RPS6KA2: variants seen among roughly 807,000 people sequenced by gnomAD.
RPS6KA2 encodes the protein ribosomal protein S6 kinase alpha-2.
Under a neutral mutation model 91.8 loss-of-function variants are expected in RPS6KA2, and 42 were observed. The ratio of observed to expected loss-of-function variants is 0.46; its 90% confidence interval spans 0.36 to 0.59. The LOEUF is 0.59. Among genes scored for constraint, RPS6KA2 ranks in the 20% least tolerant of loss-of-function variants. The pLI is 0.00. For missense variants in RPS6KA2, 798 were observed against 978.5 expected (o/e 0.82, Z 2.46); for synonymous variants, 414 against 393.6 (o/e 1.05, Z -0.61).
intron 12 of RPS6KA2, among the ~76,000 whole-genome samples, chr6:166,458,179 C>T (rs1780164760): frequency 6.6e-6 from 1 of 152,216 alleles, no homozygotes; most frequent in South Asian, 2.1e-4. Flanking sequence ...ATCTCAGGCT[C>T]TGTGTCCCTA....
chr6:166,580,997 G>A (rs1016087001), intron 1 of RPS6KA2, among the ~76,000 whole-genome samples: 1 of 152,146 alleles, frequency 6.6e-6, no homozygotes, highest in African/African-American at 2.4e-5. Flanking sequence ...TGCCTCCCAG[G>A]TTCAAGCGAT....
rs974653284 is a variant in RPS6KA2 at position 166,726,969 on chromosome 6, A to G, written c.123+131231T>C. ...ATTTCCCACTTGCACTCATGAAGAC[A>G]TGGCCATTCCCAGGTATCTAGGTGT... is the stretch of plus-strand genomic sequence containing the variant. On this transcript the variant is annotated intron_variant, in intron 2 of 21. Coordinates refer to the RPS6KA2 transcript ENST00000503859. The surrounding 1 kb of genome is among the most constrained non-coding windows in gnomAD (Gnocchi z 4.4). 1.3e-5 allele frequency among the ~76,000 whole-genome samples: 2 copies of G among 152,174 alleles called. No individual in the cohort carries two copies. Among genetic ancestry groups the G allele is most frequent in the East Asian group, 1.9e-4 (1 of 5,192 alleles).
At chr6:166,473,276 G>C (rs941513360) in intron 10 of RPS6KA2, among the ~76,000 whole-genome samples, 1 of 151,916 alleles carries the variant, frequency 6.6e-6, no homozygotes. Flanking sequence ...CTGCAGCCTC[G>C]ATTTCCTGGG....
rs534934473 is a variant in RPS6KA2 at position 166,648,005 on chromosome 6, C to T, written c.124-109221G>A. Among the ~76,000 whole-genome samples the T allele has an allele frequency of 1.7e-4, 25 of 145,362 alleles. 1 individual carries two copies. The East Asian group carries it at 3.8e-3, about 22-fold the overall frequency. ...TCACACACACGCACATGCTCACACA[C>T]GCACATGCTTACACACATACATACA... On this transcript the variant is annotated intron_variant, in intron 2 of 21. Coordinates refer to the RPS6KA2 transcript ENST00000503859. The surrounding 1 kb of genome is among the most constrained non-coding windows in gnomAD (Gnocchi z 4.8).
intron 3 of RPS6KA2, among the ~76,000 whole-genome samples, chr6:166,520,532 G>A (rs377220667): frequency 3.9e-5 from 6 of 152,282 alleles, no homozygotes; most frequent in Non-Finnish European, 5.9e-5. Context: ...TATCCATCCC[G>A]TTGGTTGTGT....
At chr6:166,644,033 T>C (rs1321530086) in intron 2 of RPS6KA2, among the ~76,000 whole-genome samples, 1 of 152,222 alleles carries the variant, frequency 6.6e-6, no homozygotes, top group African/African-American at 2.4e-5. Flanking sequence ...GGCAGCCAGA[T>C]GGCCACTACT....
Position 166,626,923 on chromosome 6 carries a change from C to G in RPS6KA2, c.97G>C (p.Glu33Gln), listed in dbSNP as rs750679847. 1 of 1,527,258 alleles carries G rather than the reference C, an allele frequency of 6.5e-7. No individual in the cohort carries two copies. Among genetic ancestry groups the G allele is most frequent in the Middle Eastern group, 1.9e-4 (1 of 5,180 alleles). The allele number at this position is 1,527,258 out of a possible 1,614,324, so 94.6% of individuals were successfully genotyped here. A position where few individuals can be genotyped will look rare whatever the true frequency, so the allele number is the denominator to read the frequency against. ...CGCCCCGAGGGCGGCCGCATTACCTCGAGCCGGCTCAGGCTGGAGCTCTTG... is the reference window on the plus strand; with the variant it reads ...CGCCCCGAGGGCGGCCGCATTACCTGGAGCCGGCTCAGGCTGGAGCTCTTG... Reference protein sequence around the residue: ...RSKSSSLSRLEEEGVVKEIDI... With the variant: ...RSKSSSLSRLQEEGVVKEIDI... The change falls in exon 1 of 21, where the codon GAG (glutamate) becomes CAG (glutamine). Residue 33 changes from glutamate to glutamine, a missense_variant and splice_region_variant. Glu to Gln is a conservative substitution (Grantham distance 29, BLOSUM62 2). Transcript: ENST00000265678. This position sits in a 1 kb window ranked among gnomAD's most constrained non-coding sequence, Gnocchi z 4.1.
chr6:166,748,724 T>C (rs1791138628), intron 2 of RPS6KA2, among the ~76,000 whole-genome samples: 1 of 48,804 alleles, frequency 2.0e-5, no homozygotes. Flanking sequence ...CCCCATCTCC[T>C]CAGGCCCCCA....
chr6:166,623,405 T>C (rs1245811404), intron 1 of RPS6KA2, among the ~76,000 whole-genome samples: 1 of 152,218 alleles, frequency 6.6e-6, no homozygotes, highest in African/African-American at 2.4e-5. Flanking sequence ...TCAGTGGACC[T>C]ATGGTTCTGC....
intron 6 of RPS6KA2, among the ~76,000 whole-genome samples, chr6:166,502,408 C>T (rs1416959205): frequency 2.0e-5 from 3 of 152,182 alleles, no homozygotes; most frequent in Non-Finnish European, 4.4e-5. Context: ...GATTAATTCT[C>T]TAATAATTCT....
rs1177168653 is a variant in RPS6KA2 at position 166,733,790 on chromosome 6, A to G, written c.123+124410T>C. Among the ~76,000 whole-genome samples, 1 of 152,200 alleles carries G rather than the reference A, an allele frequency of 6.6e-6. No homozygotes were observed. The highest frequency in any genetic ancestry group is 1.5e-5 in the Non-Finnish European group (1 of 68,038). The stretch of plus-strand genomic sequence containing the variant: ...CTAAACTGTTTGGGAGAGAAGAGGA[A>G]GAGAGAAGTAAAAGGAAGGTTTCTG... On this transcript the variant is annotated intron_variant, in intron 2 of 21. Transcript: ENST00000503859. The surrounding 1 kb of genome is among the most constrained non-coding windows in gnomAD (Gnocchi z 4.1).
In RPS6KA2 at chr6:166,508,474, GC is replaced by G. The variant is rs3833956; in HGVS notation, c.380-193del. The stretch of plus-strand genomic sequence containing the variant: ...GAGGGGGTCTGACACTGTGAGCGCT[GC>G]CCCTCTCTCACTGTCGTTAGGGGGC... On this transcript the variant is annotated intron_variant, in intron 4 of 20. Transcript: ENST00000265678. The surrounding 1 kb of genome is among the most constrained non-coding windows in gnomAD (Gnocchi z 4.3). Among the ~76,000 whole-genome samples, 114,175 of 151,916 alleles carry G rather than the reference GC, an allele frequency of 0.75. 43,071 individuals are homozygous for G. The highest frequency in any genetic ancestry group is 0.79 in the Non-Finnish European group (53,729 of 67,960).
At chr6:166,607,009 G>A (rs1179206745) in intron 1 of RPS6KA2, among the ~76,000 whole-genome samples, 2 of 152,148 alleles carry the variant, frequency 1.3e-5, no homozygotes, top group African/African-American at 2.4e-5. Flanking sequence ...GGGTGTGCTG[G>A]CAGGTGCCTA....
chr6:166,519,471 C>T (rs369917253), intron 3 of RPS6KA2, among the ~76,000 whole-genome samples: 3 of 152,166 alleles, frequency 2.0e-5, no homozygotes, highest in Admixed American at 6.5e-5. Flanking sequence ...GCCAACCTGC[C>T]GCGTTTCGGG....
chr6:166,822,537 T>C (rs1032985057), intron 2 of RPS6KA2, among the ~76,000 whole-genome samples: 15 of 152,180 alleles, frequency 9.9e-5, no homozygotes, highest in African/African-American at 3.6e-4. Flanking sequence ...TTGTGAAAGC[T>C]GCCGAGTCTG....
chr6:166,590,776 A>T (rs543375581), intron 1 of RPS6KA2, among the ~76,000 whole-genome samples: 75 of 152,204 alleles, frequency 4.9e-4, no homozygotes, highest in Non-Finnish European at 8.5e-4. Context: ...AAAAAACCTC[A>T]TTGAGGCAGT....
At position 166,459,957 on chromosome 6, in the gene RPS6KA2, G is replaced by A. The variant is rs1389356325; in HGVS notation, c.973-406C>T. Among the ~76,000 whole-genome samples the A allele has an allele frequency of 6.6e-6, 1 of 152,182 alleles. No homozygotes were observed. Among genetic ancestry groups the A allele is most frequent in the Non-Finnish European group, 1.5e-5 (1 of 68,030 alleles). ...CTGGGGACAGCAGTGAAGAGGCCGT[G>A]TGGCTCTCTCCTCCCTGCCCTGGGA... On this transcript the variant is annotated intron_variant, in intron 11 of 20. Coordinates refer to ENST00000265678, the MANE Select transcript of RPS6KA2 (RefSeq NM_021135.6). This position sits in a 1 kb window ranked among gnomAD's most constrained non-coding sequence, Gnocchi z 4.9.
At position 166,849,979 on chromosome 6, in the gene RPS6KA2, C is replaced by A. The variant is rs190084209; in HGVS notation, c.123+8221G>T. 6.6e-6 allele frequency among the ~76,000 whole-genome samples: 1 copy of A among 151,870 alleles called. No homozygotes were observed. Among genetic ancestry groups the A allele is most frequent in the Non-Finnish European group, 1.5e-5 (1 of 67,946 alleles). On this transcript the variant is annotated intron_variant, in intron 2 of 21. Coordinates refer to the RPS6KA2 transcript ENST00000503859. This position sits in a 1 kb window ranked among gnomAD's most constrained non-coding sequence, Gnocchi z 4.9. ...CGGGTTCAGGAACGAGGGGCACTCA[C>A]GCATGGCTCTGCTATGCCCACGGGG...
At chr6:166,842,395 C>T (rs1780506921) in intron 2 of RPS6KA2, among the ~76,000 whole-genome samples, 1 of 152,154 alleles carries the variant, frequency 6.6e-6, no homozygotes. Context: ...TCCCACCAGC[C>T]AAGGAACACC....
Sources: gnomAD v4.1 joint callset for allele counts (sites outside exome capture counted in the v4.1 genomes callset) on GRCh38, gnomAD v4.1.1 for gene constraint, Gnocchi (gnomAD v3.1) non-coding constraint, MANE v1.5 for transcripts, NCBI Gene and HGNC (gene_info 2026-07-23, HGNC 2026-07-21) for gene names.